The following NELL1 variants were observed in gnomAD, a reference collection of about 807,000 sequenced individuals.
The protein encoded by NELL1 is neural EGFL like 1.
A neutral mutation model predicts 107.4 loss-of-function variants in NELL1; 76 were observed. That is an observed-to-expected ratio of 0.71 (90% CI 0.59 to 0.86). The LOEUF (loss-of-function observed/expected upper bound fraction) is 0.86, where lower values mean the gene tolerates loss of function less well. NELL1 is among the 40% of genes least tolerant of loss of function. The pLI, the probability that NELL1 is intolerant of heterozygous loss-of-function variation, is 0.00. For synonymous variants in NELL1, 353 were observed against 341.2 expected (o/e 1.03, Z -0.38); for missense variants, 1,024 against 1,005.5 (o/e 1.02, Z -0.25).
chr11:20,906,377 T>G (rs1849998463), intron 5 of NELL1, among the ~76,000 whole-genome samples: 1 of 152,070 alleles, frequency 6.6e-6, no homozygotes, highest in African/African-American at 2.4e-5. Context: ...TCAAGTAAAG[T>G]CTGGGACCAG....
intron 4 of NELL1, among the ~76,000 whole-genome samples, chr11:20,869,234 TACTG>T (rs1035236975): frequency 6.6e-6 from 1 of 152,098 alleles, no homozygotes; most frequent in Non-Finnish European, 1.5e-5. Flanking sequence ...AGTTATATGT[TACTG>T]AGAGAGAGAG....
intron 6 of NELL1, among the ~76,000 whole-genome samples, chr11:20,918,788 A>T (rs774726481): frequency 1.6e-4 from 24 of 152,142 alleles, no homozygotes; most frequent in Non-Finnish European, 2.5e-4. Flanking sequence ...TTGAGTGGGG[A>T]TGCAGCCAAC....
chr11:20,702,309 T>C (rs1200969334), intron 2 of NELL1, among the ~76,000 whole-genome samples: 2 of 152,190 alleles, frequency 1.3e-5, no homozygotes, highest in African/African-American at 4.8e-5. Flanking sequence ...GGCTCTCTGT[T>C]TGTCTGTTAT....
intron 15 of NELL1, among the ~76,000 whole-genome samples, chr11:21,473,353 A>ATCAAAC (rs1280840154): frequency 6.6e-5 from 10 of 152,020 alleles, no homozygotes; most frequent in African/African-American, 2.4e-4. Context: ...ATTTTCCCAA[A>ATCAAAC]TCAAACTCAT....
chr11:20,777,107 G>A (rs2133975469), intron 2 of NELL1, among the ~76,000 whole-genome samples: 1 of 152,338 alleles, frequency 6.6e-6, no homozygotes, highest in South Asian at 2.1e-4. Context: ...GTGAATAGCA[G>A]GTGTAACACA....
intron 12 of NELL1, among the ~76,000 whole-genome samples, chr11:21,033,108 A>G (rs1053394484): frequency 6.6e-6 from 1 of 152,060 alleles, no homozygotes; most frequent in East Asian, 1.9e-4. Context: ...TCCTTTGTAG[A>G]TGATGCTTTT....
chr11:21,227,022 G>A (rs192838984), intron 13 of NELL1, among the ~76,000 whole-genome samples: 2 of 152,200 alleles, frequency 1.3e-5, no homozygotes, highest in Non-Finnish European at 2.9e-5. Flanking sequence ...TGGAAGATAA[G>A]ACCTGGTAGG....
At chr11:21,151,347 A>T (rs1014065547) in intron 13 of NELL1, among the ~76,000 whole-genome samples, 2 of 152,190 alleles carry the variant, frequency 1.3e-5, no homozygotes, top group African/African-American at 4.8e-5. Context: ...TTCATAAAGC[A>T]GCATGAAGGT....
At chr11:20,949,589 A>G (rs1463530251) in intron 11 of NELL1, among the ~76,000 whole-genome samples, 1 of 152,340 alleles carries the variant, frequency 6.6e-6, no homozygotes, top group Non-Finnish European at 1.5e-5. Flanking sequence ...GAGCAGAATC[A>G]TTAATTAGGC....
chr11:20,829,439 G>A (rs1206684574), intron 3 of NELL1, among the ~76,000 whole-genome samples: 1 of 151,886 alleles, frequency 6.6e-6, no homozygotes, highest in Non-Finnish European at 1.5e-5. Flanking sequence ...TCTTGGCCAG[G>A]CTGGTCTCCA....
chr11:21,389,580 A>G (rs978467961), intron 15 of NELL1, among the ~76,000 whole-genome samples: 1 of 151,812 alleles, frequency 6.6e-6, no homozygotes, highest in African/African-American at 2.4e-5. Flanking sequence ...TATGATATGT[A>G]TATAGAAAAG....
chr11:20,720,393 G>C (rs1348146948), intron 2 of NELL1, among the ~76,000 whole-genome samples: 1 of 152,028 alleles, frequency 6.6e-6, no homozygotes, highest in Admixed American at 6.6e-5. Context: ...ATTTTTAGTA[G>C]AGACAGGGTT....
intron 5 of NELL1, among the ~76,000 whole-genome samples, chr11:20,909,234 G>C (rs1160867602): frequency 6.6e-6 from 1 of 152,160 alleles, no homozygotes; most frequent in Non-Finnish European, 1.5e-5. Context: ...CAATAGAAAA[G>C]TTTGATTAAT....
chr11:21,350,851 C>G (rs184145540), intron 14 of NELL1, among the ~76,000 whole-genome samples: 1 of 152,252 alleles, frequency 6.6e-6, no homozygotes, highest in Admixed American at 6.5e-5. Context: ...ACAGGAGGGA[C>G]TCTGTACTGG....
rs115879577 is a variant in NELL1 at position 20,907,810 on chromosome 11, T to A, written c.604-10372T>A. Among the ~76,000 whole-genome samples the A allele has an allele frequency of 4.8e-3, 734 of 152,184 alleles. 9 individuals are homozygous for A. Among genetic ancestry groups the A allele is most frequent in the African/African-American group, 0.017 (704 of 41,556 alleles). ...TGGGAGAAAATTTTTGCAGTCTACT[T>A]ACTGACAAAAGTCTAATATCCAGAA... is the stretch of plus-strand genomic sequence containing the variant. On this transcript the variant is annotated intron_variant, in intron 5 of 19. Coordinates refer to ENST00000357134, the MANE Select transcript of NELL1 (RefSeq NM_006157.5).
chr11:21,515,152 C>T (rs1855525839), intron 15 of NELL1, among the ~76,000 whole-genome samples: 1 of 152,174 alleles, frequency 6.6e-6, no homozygotes, highest in Admixed American at 6.5e-5. Context: ...TAAACATGTG[C>T]ATGATTTTTA....
chr11:21,462,646 C>T (rs1262659634), intron 15 of NELL1, among the ~76,000 whole-genome samples: 1 of 152,032 alleles, frequency 6.6e-6, no homozygotes, highest in Non-Finnish European at 1.5e-5. Flanking sequence ...ATTTACTGGC[C>T]TCATACAGGT....
chr11:21,509,629 CTA>C (rs1040540253), intron 15 of NELL1, among the ~76,000 whole-genome samples: 2 of 151,980 alleles, frequency 1.3e-5, no homozygotes, highest in African/African-American at 4.8e-5. Context: ...TAAAATTACA[CTA>C]TATGTTATTT....
At chr11:21,195,839 G>A (rs35188987) in intron 13 of NELL1, among the ~76,000 whole-genome samples, 9,830 of 152,156 alleles carry the variant, frequency 0.065, 295 homozygotes, top group East Asian at 0.14. Flanking sequence ...TCCTGGGGCC[G>A]AGCACCGAAG....
Sources: allele counts gnomAD v4.1 joint callset (sites outside exome capture counted in the v4.1 genomes callset), GRCh38; gene constraint gnomAD v4.1.1; transcripts MANE v1.5; gene names NCBI Gene and HGNC (gene_info 2026-07-23, HGNC 2026-07-21).